IFIH1: variants seen among roughly 807,000 people sequenced by gnomAD.
IFIH1 encodes interferon-induced helicase C domain-containing protein 1.
A neutral mutation model predicts 107.4 loss-of-function variants in IFIH1; 125 were observed. The observed-to-expected ratio is 1.16, with a 90% CI of 1.01 to 1.35. The LOEUF (loss-of-function observed/expected upper bound fraction) is 1.35, where lower values mean the gene tolerates loss of function less well. IFIH1 is among the 40% of genes most tolerant of loss of function. The pLI is 0.00. For missense variants in IFIH1, 1,333 were observed against 1,213.7 expected (o/e 1.10, Z -1.46); for synonymous variants, 458 against 413.2 (o/e 1.11, Z -1.31).
intron 11 of IFIH1, among the ~76,000 whole-genome samples, chr2:162,276,134 G>C (rs563694998): frequency 2.0e-5 from 3 of 152,200 alleles, no homozygotes; most frequent in Admixed American, 2.0e-4. Context: ...TATTATGTGG[G>C]AAAAATGACT....
At position 162,272,312 on chromosome 2, in the gene IFIH1, C is replaced by A. The variant is rs1559810351; in HGVS notation, c.2530G>T (p.Glu844Ter). The A allele has an allele frequency of 6.2e-7, 1 of 1,613,088 alleles. No homozygotes were observed. Among genetic ancestry groups the A allele is most frequent in the Non-Finnish European group, 8.5e-7 (1 of 1,179,354 alleles). The change falls in exon 13 of 16, where the codon GAG becomes TAG. Residue 844 changes from glutamate (E) to a stop codon, truncating the protein, a stop_gained. Coordinates refer to ENST00000649979, the MANE Select transcript of IFIH1 (RefSeq NM_022168.4). LOFTEE classifies it high-confidence loss of function. ...TTCTCTCGGAAATCATTAACTGTCT[C>A]ATGTTCGATAACTCCTGAACCACTG... ...AHSGSGVIEH[E>*]TVNDFREKMM...
intron 2 of IFIH1, chr2:162,307,085 G>A (rs758858697): frequency 2.0e-4 from 81 of 407,306 alleles, no homozygotes; most frequent in Admixed American, 3.6e-4. Context: ...TGGAGAGCCC[G>A]CAATAGAGAT....
intron 1 of IFIH1, among the ~76,000 whole-genome samples, chr2:162,314,460 C>CTT (rs1329865677): frequency 8.9e-6 from 1 of 112,978 alleles, no homozygotes; most frequent in Non-Finnish European, 1.6e-5. Flanking sequence ...TTCTTTCTTT[C>CTT]TTTCTTTCTT....
At chr2:162,306,927 T>C (rs1290552612) in intron 2 of IFIH1, 72 bp from the exon 3 acceptor site, 9 of 1,375,308 alleles carry the variant, frequency 6.5e-6, no homozygotes, top group Non-Finnish European at 9.2e-6. Context: ...TAACTGTTAT[T>C]GTTATTTTGA....
chr2:162,318,315 T>C lies in IFIH1; in HGVS notation c.-8A>G, dbSNP rs748250678. On this transcript the variant is annotated 5_prime_UTR_variant, in exon 1 of 16. Coordinates refer to ENST00000649979, the MANE Select transcript of IFIH1 (RefSeq NM_022168.4). Reference sequence around the variant, plus strand: ...GGAATACCCATTCGACATCTTTCTTTCTCAGAGAAGGGAGAGGGTTCTCCC... The same window carrying C: ...GGAATACCCATTCGACATCTTTCTTCCTCAGAGAAGGGAGAGGGTTCTCCC... The C allele has an allele frequency of 5.6e-6, 9 of 1,607,176 alleles. No individual in the cohort carries two copies. Among genetic ancestry groups the C allele is most frequent in the Non-Finnish European group, 1.7e-6 (2 of 1,174,894 alleles).
Position 162,279,994 on chromosome 2 carries a change from A to T in IFIH1, c.1641+2T>A. The T allele has an allele frequency of 6.7e-7, 1 of 1,494,538 alleles. No homozygotes were observed. Among genetic ancestry groups the T allele is most frequent in the Non-Finnish European group, 9.3e-7 (1 of 1,071,920 alleles). The allele number at this position is 1,494,538 out of a possible 1,614,324, so 92.6% of individuals were successfully genotyped here. On this transcript the variant is annotated splice_donor_variant, in intron 8 of 15. Transcript: ENST00000649979. LOFTEE classifies it high-confidence loss of function. ...AATAGATATAAAACATTAAGCCCATACTTCTCTGGTTGCATCTGCAATGGC... is the reference window on the plus strand; with the variant it reads ...AATAGATATAAAACATTAAGCCCATTCTTCTCTGGTTGCATCTGCAATGGC...
At chr2:162,304,122 A>G (rs1683238444) in intron 3 of IFIH1, among the ~76,000 whole-genome samples, 1 of 152,238 alleles carries the variant, frequency 6.6e-6, no homozygotes, top group Non-Finnish European at 1.5e-5. Flanking sequence ...AAGCTTTGCT[A>G]TTAGCAGCAG....
intron 3 of IFIH1, among the ~76,000 whole-genome samples, chr2:162,297,858 T>A (rs1683121527): frequency 6.6e-6 from 1 of 151,986 alleles, no homozygotes; most frequent in South Asian, 2.1e-4. Flanking sequence ...TGACAGCAAG[T>A]GCCTAAGACC....
rs75246678 is a variant in IFIH1, at chr2:162,274,145, C to T, written c.2305-201G>A. ...TTTGATTTCCAATCTGGGATTACCACACAATAACAAAAATATTTCCATCAT... is the reference window on the plus strand; with the variant it reads ...TTTGATTTCCAATCTGGGATTACCATACAATAACAAAAATATTTCCATCAT... On this transcript the variant is annotated intron_variant, in intron 11 of 15. Transcript: ENST00000649979. Among the ~76,000 whole-genome samples, 3 of 152,084 alleles carry T rather than the reference C, an allele frequency of 2.0e-5. No homozygotes were observed. The East Asian group carries it at 5.8e-4, about 29-fold the overall frequency.
intron 1 of IFIH1, among the ~76,000 whole-genome samples, chr2:162,312,080 A>G (rs1683393247): frequency 6.6e-6 from 1 of 152,180 alleles, no homozygotes. Context: ...AATCTTCCAC[A>G]TGTATCATTT....
At chr2:162,268,497 T>C (rs1690970469) in intron 13 of IFIH1, among the ~76,000 whole-genome samples, 1 of 152,208 alleles carries the variant, frequency 6.6e-6, no homozygotes, top group African/African-American at 2.4e-5. Flanking sequence ...ATTCAAAAAG[T>C]AGCCCATTCC....
chr2:162,269,262 T>C (rs564533902), intron 13 of IFIH1, among the ~76,000 whole-genome samples: 1 of 152,326 alleles, frequency 6.6e-6, no homozygotes, highest in Non-Finnish European at 1.5e-5. Flanking sequence ...ATAGCTGGCA[T>C]GTGTACCTTT....
rs1183247857 is a variant in IFIH1, at chr2:162,318,422, C to T, written c.-115G>A. 1.2e-6 allele frequency: 1 copy of T among 844,588 alleles called. No individual in the cohort carries two copies. The highest frequency in any genetic ancestry group is 1.9e-6 in the Non-Finnish European group (1 of 528,418). The allele number at this position is 844,588 out of a possible 1,614,324, so 52.3% of individuals were successfully genotyped here. ...GCCCACTTAGAGAAGCAGGGTCTAC[C>T]GCTCTGTGCCTGACAATGACGAGGT... On this transcript the variant is annotated 5_prime_UTR_variant, in exon 1 of 16. Transcript: ENST00000649979.
rs745487097 is a variant in IFIH1 at position 162,268,252 on chromosome 2, A to G, written c.2642T>C (p.Ile881Thr). 3.5e-5 allele frequency: 57 copies of G among 1,609,712 alleles called. No homozygotes were observed. The highest frequency in any genetic ancestry group is 4.8e-5 in the Non-Finnish European group (57 of 1,177,276). The change falls in exon 14 of 16, where the codon ATA becomes ACA. Residue 881 changes from isoleucine (I) to threonine (T), a missense_variant. Coordinates refer to ENST00000649979, the MANE Select transcript of IFIH1 (RefSeq NM_022168.4). ...CTTGGTTTTCATTTTCTTTTCCATTATACTTTGCATCTGTAATTCCAAAAT... is the reference window on the plus strand; with the variant it reads ...CTTGGTTTTCATTTTCTTTTCCATTGTACTTTGCATCTGTAATTCCAAAAT... ...HKILELQMQS[I>T]MEKKMKTKRN... is the part of the protein sequence containing the mutation.
In IFIH1 at chr2:162,271,477, G is replaced by A. The variant is rs372205281; in HGVS notation, c.2616+749C>T. 3.3e-5 allele frequency among the ~76,000 whole-genome samples: 5 copies of A among 151,102 alleles called. No homozygotes were observed. In the East Asian group the frequency reaches 5.9e-4, roughly 18 times the overall value. ...TGTCGTGGGGTGGGGGGAGGGGAGA[G>A]GGATAGCATTAAGAGAAATACCTAA... On this transcript the variant is annotated intron_variant, in intron 13 of 15. Transcript: ENST00000649979.
chr2:162,273,066 T>C (rs1429095412), intron 12 of IFIH1, among the ~76,000 whole-genome samples: 2 of 152,228 alleles, frequency 1.3e-5, no homozygotes, highest in African/African-American at 4.8e-5. Context: ...GCTAATTTGA[T>C]GGCAGTCTGG....
At chr2:162,314,751 G>A (rs1022425644) in intron 1 of IFIH1, among the ~76,000 whole-genome samples, 1 of 152,014 alleles carries the variant, frequency 6.6e-6, no homozygotes, top group African/African-American at 2.4e-5. Context: ...GCCTCCCAAA[G>A]TGCTGGGATT....
intron 5 of IFIH1, among the ~76,000 whole-genome samples, chr2:162,283,434 C>A (rs1370941501): frequency 6.6e-6 from 1 of 151,974 alleles, no homozygotes; most frequent in African/African-American, 2.4e-5. Flanking sequence ...CATTACTAGT[C>A]ACTCAAAATA....
intron 11 of IFIH1, among the ~76,000 whole-genome samples, chr2:162,275,713 G>T (rs143686717): frequency 6.6e-6 from 1 of 152,038 alleles, no homozygotes; most frequent in African/African-American, 2.4e-5. Context: ...AAAGACTCAG[G>T]GTCAATGTGA....
Sources: allele counts gnomAD v4.1 joint callset (sites outside exome capture counted in the v4.1 genomes callset), GRCh38; gene constraint gnomAD v4.1.1; transcripts MANE v1.5; gene names NCBI Gene and HGNC (gene_info 2026-07-23, HGNC 2026-07-21).